UCHL5: variants seen among roughly 807,000 people sequenced by gnomAD.
UCHL5 encodes ubiquitin carboxyl-terminal hydrolase isozyme L5.
UCHL5 carries 34 observed loss-of-function variants against 53.8 expected under a neutral mutation model. The observed-to-expected ratio is 0.63, with a 90% CI of 0.48 to 0.84. The LOEUF (loss-of-function observed/expected upper bound fraction) is 0.84, where lower values mean the gene tolerates loss of function less well. Ranked by LOEUF, UCHL5 falls within the 40% of genes least tolerant of loss-of-function variation. The probability of loss-of-function intolerance (pLI) is 0.00; values close to 1 mark genes in which losing one functional copy is unlikely to be tolerated. For synonymous variants in UCHL5, 111 were observed against 126.3 expected (o/e 0.88, Z 0.81); for missense variants, 290 against 385.6 (o/e 0.75, Z 2.08).
chr1:193,037,677 A>G (rs1461326852), intron 3 of UCHL5, among the ~76,000 whole-genome samples: 1 of 152,192 alleles, frequency 6.6e-6, no homozygotes, highest in African/African-American at 2.4e-5. Flanking sequence ...CACAACAAAA[A>G]AACTACAGAC....
At chr1:193,038,772 G>A (rs932929197) in intron 3 of UCHL5, among the ~76,000 whole-genome samples, 2 of 152,110 alleles carry the variant, frequency 1.3e-5, no homozygotes, top group Non-Finnish European at 2.9e-5. Flanking sequence ...GAGGCAGGAG[G>A]AATGCTTGAG....
At chr1:193,028,026 A>G in intron 7 of UCHL5, 59 bp downstream of exon 7, 1 of 1,580,816 alleles carries the variant, frequency 6.3e-7, no homozygotes, top group Non-Finnish European at 8.5e-7. Context: ...ATAAAATACA[A>G]GTTTAAAAAA....
intron 10 of UCHL5, chr1:193,020,431 A>G: frequency 1.3e-6 from 2 of 1,545,594 alleles, no homozygotes; most frequent in Non-Finnish European, 1.7e-6. Flanking sequence ...AACTTATTAA[A>G]GAATCCTTCC....
At chr1:193,023,535 G>C (rs1487714070) in intron 8 of UCHL5, among the ~76,000 whole-genome samples, 1 of 152,012 alleles carries the variant, frequency 6.6e-6, no homozygotes, top group Admixed American at 6.6e-5. Context: ...CACTTATTTA[G>C]CATTTACCAT....
chr1:193,043,162 A>AAAAAAAAAAAAAC, intron 3 of UCHL5, among the ~76,000 whole-genome samples: 6 of 147,538 alleles, frequency 4.1e-5, no homozygotes, highest in Non-Finnish European at 7.5e-5. Context: ...AAAAAAAAAA[A>AAAAAAAAAAAAAC]AAAAAAAAAA....
intron 1 of UCHL5, among the ~76,000 whole-genome samples, chr1:193,053,907 C>A (rs1669837903): frequency 6.6e-6 from 1 of 151,038 alleles, no homozygotes; most frequent in Non-Finnish European, 1.5e-5. Flanking sequence ...TGGTAGGAGA[C>A]AAGCACATAC....
Position 193,016,227 on chromosome 1 carries a change from C to A in UCHL5, c.*124G>T. 1 of 1,035,474 alleles carries A rather than the reference C, an allele frequency of 9.7e-7. No homozygotes were observed. The highest frequency in any genetic ancestry group is 1.4e-6 in the Non-Finnish European group (1 of 701,844). 64.1% of individuals were successfully genotyped at this position (1,035,474 alleles called of 1,614,324 possible). On this transcript the variant is annotated 3_prime_UTR_variant, in exon 11 of 11. Coordinates refer to ENST00000367454, the MANE Select transcript of UCHL5 (RefSeq NM_001199261.3). ...ATGAATCCATGCATTAAAGACAAGA[C>A]AGGCTGGCACTATTGCCAAACGTGC...
Position 193,049,765 on chromosome 1 carries a change from G to A in UCHL5, c.227C>T (p.Thr76Met), listed in dbSNP as rs759028109. ...GSVVQDSRLD[T>M]IFFAKQVINN... ...CCATACCTGCTTAGCAAAAAATATC[G>A]TGTCAAGTCGGGAGTCCTGAACCAC... is the stretch of plus-strand genomic sequence containing the variant. Residue 76 changes from threonine (T) to methionine (M), a missense_variant, in exon 3 of 11, where the codon ACG becomes ATG. By Grantham distance (81) the Thr-to-Met change is moderately conservative (BLOSUM62 -1). Transcript: ENST00000367454. 7 of 1,610,642 alleles carry A rather than the reference G, an allele frequency of 4.3e-6. No individual in the cohort carries two copies. Among genetic ancestry groups the A allele is most frequent in the South Asian group, 2.2e-5 (2 of 90,642 alleles).
At chr1:193,016,474 G>GTAT in intron 10 of UCHL5, 79 bp from the exon 11 acceptor site, 2 of 1,312,626 alleles carry the variant, frequency 1.5e-6, no homozygotes, top group Non-Finnish European at 2.1e-6. Context: ...GCCTAAGAGG[G>GTAT]TATTCTCAAG....
chr1:193,023,737 G>T, intron 8 of UCHL5, 107 bp downstream of exon 8: 2 of 833,880 alleles, frequency 2.4e-6, no homozygotes, highest in Non-Finnish European at 3.7e-6. Flanking sequence ...GTGTGTATTC[G>T]CTTAGCCACC....
Position 193,059,096 on chromosome 1 carries a change from G to C in UCHL5, c.76+89C>G. On this transcript the variant is annotated intron_variant, in intron 1 of 10. Coordinates refer to ENST00000367454, the MANE Select transcript of UCHL5 (RefSeq NM_001199261.3). This position sits in a 1 kb window ranked among gnomAD's most constrained non-coding sequence, Gnocchi z 4.9. ...TCCTGAAGTCACCTCTCCAGACGCG[G>C]GGCGGCGGTGGCCGCAGGGAACCAC... 2 of 1,359,814 alleles carry C rather than the reference G, an allele frequency of 1.5e-6. No homozygotes were observed. 84.2% of individuals were successfully genotyped at this position (1,359,814 alleles called of 1,614,324 possible). A position where few individuals can be genotyped will look rare whatever the true frequency, so the allele number is the denominator to read the frequency against.
intron 3 of UCHL5, among the ~76,000 whole-genome samples, chr1:193,042,025 T>C (rs1157652030): frequency 1.3e-5 from 2 of 151,522 alleles, no homozygotes; most frequent in Non-Finnish European, 2.9e-5. Flanking sequence ...CTCAGGAGGC[T>C]GAGGCAGGAG....
At position 193,013,398 on chromosome 1, in the gene UCHL5, T is replaced by C. The variant is rs1282736081; in HGVS notation, c.*2953A>G. 1 of 152,154 alleles carries C rather than the reference T, an allele frequency of 6.6e-6. No individual in the cohort carries two copies. Among genetic ancestry groups the C allele is most frequent in the Admixed American group, 6.5e-5 (1 of 15,274 alleles). 9.4% of individuals were successfully genotyped at this position (152,154 alleles called of 1,614,324 possible). On this transcript the variant is annotated 3_prime_UTR_variant, in exon 11 of 11. Transcript: ENST00000367454. ...CTCTTCAAATAGCTAGAGTGGTTTG[T>C]TTCCTGAAAATTTGTATATGATCAA...
intron 10 of UCHL5, chr1:193,019,880 C>T (rs1272621034): frequency 1.0e-6 from 1 of 963,464 alleles, no homozygotes; most frequent in Non-Finnish European, 1.2e-6. Context: ...TAACATTTAT[C>T]TAACTTAAAA....
chr1:193,046,661 A>G (rs1667420637), intron 3 of UCHL5, among the ~76,000 whole-genome samples: 1 of 147,582 alleles, frequency 6.8e-6, no homozygotes, highest in African/African-American at 2.4e-5. Context: ...AATAATTTAT[A>G]TATTTATAGA....
rs772677506 is a variant in UCHL5 at position 193,016,411 on chromosome 1, A to T, written c.943-16T>A. The T allele has an allele frequency of 6.2e-7, 1 of 1,600,182 alleles. No individual in the cohort carries two copies. Among genetic ancestry groups the T allele is most frequent in the Admixed American group, 1.8e-5 (1 of 56,856 alleles). On this transcript the variant is annotated splice_polypyrimidine_tract_variant and intron_variant, in intron 10 of 10. Transcript: ENST00000367454. The stretch of plus-strand genomic sequence containing the variant: ...TTTCTTTTGCCTAAAAATTAAAAAT[A>T]GTATGTTACAAAATTTTAAAAGTCA...
intron 3 of UCHL5, among the ~76,000 whole-genome samples, chr1:193,036,671 TAC>T (rs1663623481): frequency 1.3e-5 from 2 of 151,916 alleles, no homozygotes; most frequent in Admixed American, 1.3e-4. Context: ...TGCTGCAAAA[TAC>T]ACATTATTTT....
chr1:193,027,737 T>C (rs1278247584), intron 7 of UCHL5: 4 of 346,510 alleles, frequency 1.2e-5, no homozygotes, highest in Non-Finnish European at 1.6e-5. Context: ...GAAATCTGCA[T>C]GTTTAACTTC....
At position 193,051,716 on chromosome 1, in the gene UCHL5, A is replaced by G. The variant is rs758627471; in HGVS notation, c.140+38T>C. Reference sequence around the variant, plus strand: ...ATATCCTTTAAGTTTGTTAAAGTATATATATATACATATTAACACAACTAA... The same window carrying G: ...ATATCCTTTAAGTTTGTTAAAGTATGTATATATACATATTAACACAACTAA... On this transcript the variant is annotated intron_variant, in intron 2 of 10. Transcript: ENST00000367454. 2.4e-5 allele frequency: 30 copies of G among 1,241,968 alleles called. 1 individual carries two copies. The East Asian group carries it at 7.4e-4, about 31-fold the overall frequency. 76.9% of individuals were successfully genotyped at this position (1,241,968 alleles called of 1,614,324 possible).
Sources: allele counts gnomAD v4.1 joint callset (sites outside exome capture counted in the v4.1 genomes callset), GRCh38; gene constraint gnomAD v4.1.1; non-coding constraint Gnocchi (gnomAD v3.1); transcripts MANE v1.5; gene names NCBI Gene and HGNC (gene_info 2026-07-23, HGNC 2026-07-21).